Variants in NFIA observed in about 807,000 individuals in gnomAD.
NFIA encodes nuclear factor 1 A-type.
Under a neutral mutation model 62.8 loss-of-function variants are expected in NFIA, and 8 were observed. That is an observed-to-expected ratio of 0.13 (90% CI 0.07 to 0.23). The LOEUF (loss-of-function observed/expected upper bound fraction) is 0.23, where lower values mean the gene tolerates loss of function less well. Ranked by LOEUF, NFIA falls within the 10% of genes least tolerant of loss-of-function variation. The pLI, the probability that NFIA is intolerant of heterozygous loss-of-function variation, is 1.00. For synonymous variants in NFIA, 235 were observed against 238.1 expected (o/e 0.99, Z 0.12); for missense variants, 410 against 642.1 (o/e 0.64, Z 3.91).
chr1:61,383,876 C>T (rs749393122), intron 7 of NFIA, among the ~76,000 whole-genome samples: 8 of 152,308 alleles, frequency 5.3e-5, no homozygotes, highest in African/African-American at 1.2e-4. Context: ...AGGGTGTTGA[C>T]GAGCAGTCTT....
At chr1:61,379,584 T>C (rs1205627125) in intron 6 of NFIA, among the ~76,000 whole-genome samples, 1 of 151,726 alleles carries the variant, frequency 6.6e-6, no homozygotes, top group East Asian at 1.9e-4. Context: ...AGTTTTGTAT[T>C]TTTAGTAGAG....
Position 61,110,322 on chromosome 1 carries a change from A to C in NFIA, c.559+21642A>C, listed in dbSNP as rs1253226441. On this transcript the variant is annotated intron_variant, in intron 2 of 10. Transcript: ENST00000403491. ...TCAAAGAGTAACCCAGTGCTTGTCG[A>C]GGGGTAAAGGTATCATTTTTATGCA... 6.6e-5 allele frequency among the ~76,000 whole-genome samples: 10 copies of C among 151,318 alleles called. No individual in the cohort carries two copies. In the East Asian group the frequency reaches 1.7e-3, roughly 26 times the overall value.
intron 6 of NFIA, among the ~76,000 whole-genome samples, chr1:61,363,134 A>G (rs578031702): frequency 2.0e-5 from 3 of 152,356 alleles, no homozygotes; most frequent in Non-Finnish European, 4.4e-5. Flanking sequence ...GACTCATAAA[A>G]GGTCAAGTGA....
chr1:61,166,332 C>T (rs1462309394), intron 2 of NFIA, among the ~76,000 whole-genome samples: 1 of 152,010 alleles, frequency 6.6e-6, no homozygotes, highest in Admixed American at 6.6e-5. Flanking sequence ...ATGAGGATGC[C>T]AAGTCCACAC....
rs111346342 is a variant in NFIA at position 61,128,909 on chromosome 1, A to G, written c.559+40229A>G. Among the ~76,000 whole-genome samples, 821 of 120,012 alleles carry G rather than the reference A, an allele frequency of 6.8e-3. 6 individuals carry two copies. The highest frequency in any genetic ancestry group is 0.011 in the Admixed American group (111 of 10,460). The allele number at this position is 120,012 out of a possible 152,430, so 78.7% of individuals were successfully genotyped here. A position where few individuals can be genotyped will look rare whatever the true frequency, so the allele number is the denominator to read the frequency against. On this transcript the variant is annotated intron_variant, in intron 2 of 10. Transcript: ENST00000403491. The stretch of plus-strand genomic sequence containing the variant: ...CTCTTTCCAGCCAATGGTGATGCTT[A>G]CTTATGTTTTTTTTTTTTTTTTTTT...
intron 2 of NFIA, among the ~76,000 whole-genome samples, chr1:61,124,466 AATCCTTCTTAAGGATTTTCT>A (rs779687298): frequency 6.6e-6 from 1 of 152,184 alleles, no homozygotes; most frequent in Non-Finnish European, 1.5e-5. Flanking sequence ...TTGTATTACA[AATCCTTCTTAAGGATTTTCT>A]ATTTTGACAT....
intron 3 of NFIA, among the ~76,000 whole-genome samples, chr1:61,317,345 C>A (rs913741474): frequency 6.6e-6 from 1 of 151,926 alleles, no homozygotes; most frequent in African/African-American, 2.4e-5. Context: ...AAATTTGTAT[C>A]CTTATGTCTA....
At chr1:61,191,806 C>A (rs955982021) in intron 2 of NFIA, among the ~76,000 whole-genome samples, 3 of 151,578 alleles carry the variant, frequency 2.0e-5, no homozygotes, top group African/African-American at 7.3e-5. Context: ...TATTAAAAAA[C>A]CATAAATTTT....
chr1:61,105,825 T>A (rs1646587188), intron 2 of NFIA, among the ~76,000 whole-genome samples: 1 of 151,818 alleles, frequency 6.6e-6, no homozygotes, highest in Non-Finnish European at 1.5e-5. Flanking sequence ...ACATACTTTT[T>A]AAAAAAAGAA....
chr1:61,362,271 A>G (rs954097526), intron 6 of NFIA, among the ~76,000 whole-genome samples: 2 of 152,130 alleles, frequency 1.3e-5, no homozygotes, highest in African/African-American at 2.4e-5. Flanking sequence ...AGTAGTTCAC[A>G]TGTAAATTAC....
intron 10 of NFIA, among the ~76,000 whole-genome samples, chr1:61,454,504 G>A (rs765377081): frequency 6.6e-6 from 1 of 152,218 alleles, no homozygotes; most frequent in Non-Finnish European, 1.5e-5. Flanking sequence ...ACGCAAGCAT[G>A]AATGAAGGGT....
At chr1:61,318,722 A>C (rs1263579912) in intron 3 of NFIA, among the ~76,000 whole-genome samples, 3 of 152,134 alleles carry the variant, frequency 2.0e-5, no homozygotes, top group Admixed American at 2.0e-4. Flanking sequence ...GTTGCTATAG[A>C]AGGATGGAGG....
At chr1:61,220,089 C>CTTT (rs111427971) in intron 2 of NFIA, among the ~76,000 whole-genome samples, 74 of 152,232 alleles carry the variant, frequency 4.9e-4, no homozygotes, top group African/African-American at 1.7e-3. Context: ...GTTTTATGCC[C>CTTT]CTGTCTTTCT....
At chr1:61,315,770 T>G (rs1660335797) in intron 3 of NFIA, among the ~76,000 whole-genome samples, 1 of 152,228 alleles carries the variant, frequency 6.6e-6, no homozygotes, top group African/African-American at 2.4e-5. Context: ...CATTTGGTTT[T>G]AGCAATAAGG....
At chr1:61,311,485 G>T (rs1660115344) in intron 3 of NFIA, among the ~76,000 whole-genome samples, 2 of 152,118 alleles carry the variant, frequency 1.3e-5, no homozygotes, top group Non-Finnish European at 2.9e-5. Flanking sequence ...TGACATTTTG[G>T]GCAGGATACT....
chr1:61,123,185 A>G (rs1022290698), intron 2 of NFIA, among the ~76,000 whole-genome samples: 1 of 152,118 alleles, frequency 6.6e-6, no homozygotes, highest in Non-Finnish European at 1.5e-5. Flanking sequence ...TCTAATGGAG[A>G]CAACATTCAA....
At chr1:61,203,963 T>G (rs1265258394) in intron 2 of NFIA, among the ~76,000 whole-genome samples, 3 of 150,770 alleles carry the variant, frequency 2.0e-5, no homozygotes, top group Non-Finnish European at 4.4e-5. Context: ...GATATTTAGG[T>G]GTGTGTATGA....
chr1:61,118,659 AGTGTGTGTGTGTGTGTGTGTGTGTGTGT>A (rs5774536), intron 2 of NFIA, among the ~76,000 whole-genome samples: 27 of 145,204 alleles, frequency 1.9e-4, no homozygotes, highest in Non-Finnish European at 3.6e-4. Flanking sequence ...GGTCGGGATG[AGTGTGTGTGTGTGTGTGTGTGTGTGTGT>A]GTGTGTGTGT....
Position 61,088,251 on chromosome 1 carries a change from C to T in NFIA, c.130C>T (p.His44Tyr). The change falls in exon 2 of 11, where the codon CAT becomes TAT. Residue 44 changes from histidine to tyrosine, a missense_variant. Physicochemically the swap from His to Tyr is moderately conservative, Grantham distance 83 (BLOSUM62 2). Transcript: ENST00000403491. The surrounding 1 kb of genome is among the most constrained non-coding windows in gnomAD (Gnocchi z 4.5). ...CCGAAAACGAAAATACTTCAAAAAA[C>T]ATGAAAAGCGTATGTCAAAAGAAGA... ...QARKRKYFKKHEKRMSKEEER... is the reference protein window; with the variant it reads ...QARKRKYFKKYEKRMSKEEER... The T allele has an allele frequency of 2.5e-6, 4 of 1,613,474 alleles. No individual in the cohort carries two copies. The highest frequency in any genetic ancestry group is 3.4e-6 in the Non-Finnish European group (4 of 1,179,920).
Sources: allele counts gnomAD v4.1 joint callset (sites outside exome capture counted in the v4.1 genomes callset), GRCh38; gene constraint gnomAD v4.1.1; non-coding constraint Gnocchi (gnomAD v3.1); transcripts MANE v1.5; gene names NCBI Gene and HGNC (gene_info 2026-07-23, HGNC 2026-07-21).